The following RBFOX1 variants were observed in gnomAD, a reference collection of about 807,000 sequenced individuals.
RBFOX1 encodes RNA binding fox-1 homolog 1, also known as RNA binding protein fox-1 homolog 1.
Under a neutral mutation model 57.7 loss-of-function variants are expected in RBFOX1, and 8 were observed. The ratio of observed to expected loss-of-function variants is 0.14; its 90% CI spans 0.08 to 0.25. The LOEUF is 0.25. RBFOX1 is among the 10% of genes least tolerant of loss of function. RBFOX1 has a pLI of 1.00. For synonymous variants in RBFOX1, 326 were observed against 222.4 expected (o/e 1.47, Z -4.15); for missense variants, 611 against 548.5 (o/e 1.11, Z -1.14).
At chr16:7,126,291 C>G in intron 4 of RBFOX1, 1 of 317,664 alleles carries the variant, frequency 3.1e-6, no homozygotes, top group South Asian at 3.4e-5. Context: ...GGACTCAGCT[C>G]CTTACATGGG....
chr16:7,249,450 C>A (rs910543124), intron 4 of RBFOX1, among the ~76,000 whole-genome samples: 1 of 152,198 alleles, frequency 6.6e-6, no homozygotes, highest in South Asian at 2.1e-4. Flanking sequence ...ATTTTACTTA[C>A]ATCACCAAGG....
At chr16:5,639,052 A>G (rs1396646596) in intron 3 of RBFOX1, among the ~76,000 whole-genome samples, 1 of 152,198 alleles carries the variant, frequency 6.6e-6, no homozygotes, top group African/African-American at 2.4e-5. Flanking sequence ...TGTCCTCTTC[A>G]CTAACCCCAC....
At chr16:7,186,685 C>T (rs1369729817) in intron 4 of RBFOX1, among the ~76,000 whole-genome samples, 2 of 147,912 alleles carry the variant, frequency 1.4e-5, no homozygotes, top group Non-Finnish European at 3.0e-5. Flanking sequence ...ATACTTACGT[C>T]TTTAAATATA....
At chr16:6,830,445 G>C (rs2092625350) in intron 3 of RBFOX1, among the ~76,000 whole-genome samples, 2 of 152,142 alleles carry the variant, frequency 1.3e-5, no homozygotes, top group Non-Finnish European at 1.5e-5. Flanking sequence ...GGGACCGTAA[G>C]AGGAAGACCT....
chr16:5,700,034 G>A (rs538386986), intron 3 of RBFOX1, among the ~76,000 whole-genome samples: 95 of 152,118 alleles, frequency 6.2e-4, no homozygotes, highest in African/African-American at 1.6e-3. Flanking sequence ...GGGTTTTACC[G>A]TGTTAGCCAG....
chr16:6,789,139 G>T (rs1050145999), intron 3 of RBFOX1, among the ~76,000 whole-genome samples: 2 of 150,540 alleles, frequency 1.3e-5, no homozygotes, highest in African/African-American at 4.9e-5. Flanking sequence ...AAAAATTACC[G>T]CCTGCCCACT....
intron 4 of RBFOX1, among the ~76,000 whole-genome samples, chr16:7,070,623 T>A (rs972113562): frequency 6.6e-6 from 1 of 152,224 alleles, no homozygotes; most frequent in Admixed American, 6.5e-5. Context: ...CTGGGTTTGC[T>A]TATTTGCTCC....
intron 12 of RBFOX1, among the ~76,000 whole-genome samples, chr16:7,658,715 C>G (rs1311253891): frequency 3.3e-5 from 5 of 152,138 alleles, no homozygotes; most frequent in African/African-American, 9.6e-5. Context: ...ATGGGGTGCT[C>G]TAATGGAGCA....
At chr16:6,094,586 G>A (rs116689628) in intron 1 of RBFOX1, among the ~76,000 whole-genome samples, 2,381 of 152,274 alleles carry the variant, frequency 0.016, 46 homozygotes, top group African/African-American at 0.054. Flanking sequence ...TTTGAAGCAG[G>A]TAGGTCATAG....
intron 4 of RBFOX1, among the ~76,000 whole-genome samples, chr16:7,194,615 G>C (rs191691954): frequency 6.6e-6 from 1 of 152,030 alleles, no homozygotes; most frequent in Admixed American, 6.6e-5. Context: ...GAAACACTTC[G>C]TTTTATTACA....
At chr16:7,099,226 G>A (rs2062227042) in intron 4 of RBFOX1, among the ~76,000 whole-genome samples, 1 of 152,158 alleles carries the variant, frequency 6.6e-6, no homozygotes, top group African/African-American at 2.4e-5. Context: ...ACGTGTGGAT[G>A]TAGAATGAGG....
At chr16:5,916,364 G>A (rs574069271) in intron 4 of RBFOX1, among the ~76,000 whole-genome samples, 1 of 151,884 alleles carries the variant, frequency 6.6e-6, no homozygotes, top group East Asian at 1.9e-4. Flanking sequence ...ATTAATTCTC[G>A]GTTTCACCTT....
intron 3 of RBFOX1, among the ~76,000 whole-genome samples, chr16:6,912,862 C>G (rs989774781): frequency 2.0e-5 from 3 of 152,066 alleles, no homozygotes; most frequent in African/African-American, 7.2e-5. Context: ...TCAAGTGATC[C>G]TCTTGCCTTG....
intron 1 of RBFOX1, among the ~76,000 whole-genome samples, chr16:6,102,614 C>G (rs2096327271): frequency 6.6e-6 from 1 of 152,182 alleles, no homozygotes; most frequent in African/African-American, 2.4e-5. Context: ...CTCTCCCTCT[C>G]CTTTTATCTA....
intron 3 of RBFOX1, among the ~76,000 whole-genome samples, chr16:6,840,853 C>T (rs1004043280): frequency 7.0e-6 from 1 of 142,798 alleles, no homozygotes; most frequent in Admixed American, 7.5e-5. Context: ...TCCCATTGTA[C>T]TCTAGCCTGG....
At chr16:5,617,062 T>A (rs1323554124) in intron 3 of RBFOX1, among the ~76,000 whole-genome samples, 1 of 151,910 alleles carries the variant, frequency 6.6e-6, no homozygotes, top group African/African-American at 2.4e-5. Flanking sequence ...GGTTGAAATT[T>A]CCCTCAGATC....
At chr16:6,370,031 C>G (rs528135244) in intron 2 of RBFOX1, among the ~76,000 whole-genome samples, 4 of 152,210 alleles carry the variant, frequency 2.6e-5, no homozygotes, top group African/African-American at 9.6e-5. Context: ...GACAGTCTTG[C>G]TTGGTCTTTT....
rs143583059 is a variant in RBFOX1, at chr16:5,763,040, A to T, written c.319-104263A>T. Among the ~76,000 whole-genome samples, 4 of 152,318 alleles carry T rather than the reference A, an allele frequency of 2.6e-5. No individual in the cohort carries two copies. The East Asian group carries it at 5.8e-4, about 22-fold the overall frequency. On this transcript the variant is annotated intron_variant, in intron 3 of 19. Transcript: ENST00000641259. ...GTACTGTTTGCACATATCTGTTTTT[A>T]AAGAAAAACTTAATGTTAAAATAGA...
intron 2 of RBFOX1, among the ~76,000 whole-genome samples, chr16:5,537,319 G>C (rs940495518): frequency 2.0e-5 from 3 of 152,142 alleles, no homozygotes; most frequent in African/African-American, 7.2e-5. Context: ...TTAGATGTTT[G>C]TTACAGCAGC....
Sources: allele counts gnomAD v4.1 joint callset (sites outside exome capture counted in the v4.1 genomes callset), GRCh38; gene constraint gnomAD v4.1.1; transcripts MANE v1.5; gene names NCBI Gene and HGNC (gene_info 2026-07-23, HGNC 2026-07-21).